ETNK2: variants seen among roughly 807,000 people sequenced by gnomAD.
ETNK2 encodes the protein ethanolamine kinase-like protein.
Under a neutral mutation model 46.2 loss-of-function variants are expected in ETNK2, and 33 were observed. The ratio of observed to expected loss-of-function variants is 0.71; its 90% CI spans 0.54 to 0.96. The LOEUF is 0.96. Among genes scored for constraint, ETNK2 ranks in the 40% least tolerant of loss-of-function variants. ETNK2 has a pLI of 0.00. For missense variants in ETNK2, 445 were observed against 509.7 expected (o/e 0.87, Z 1.22); for synonymous variants, 194 against 209.0 (o/e 0.93, Z 0.62).
rs1056215375 is a variant in ETNK2 at position 204,132,252 on chromosome 1, C to A, written c.1093G>T (p.Ala365Ser). 3.8e-6 allele frequency: 6 copies of A among 1,567,904 alleles called. No homozygotes were observed. The highest frequency in any genetic ancestry group is 2.4e-5 in the East Asian group (1 of 42,440). The change falls in exon 8 of 8, where the codon GCA becomes TCA. Residue 365 changes from alanine (A) to serine (S), a missense_variant. Coordinates refer to ENST00000367202, the MANE Select transcript of ETNK2 (RefSeq NM_018208.4). ...AAGTACTGGTTGAATCGGATCACTGCGTACCTGTGGGGAAGACAGAAGGAA... is the reference window on the plus strand; with the variant it reads ...AAGTACTGGTTGAATCGGATCACTGAGTACCTGTGGGGAAGACAGAAGGAA... ...STIDFDFLRY[A>S]VIRFNQYFKV...
chr1:204,137,062 ACTC>A, intron 6 of ETNK2, 39 bp downstream of exon 6: 2 of 1,606,624 alleles, frequency 1.2e-6, no homozygotes, highest in Non-Finnish European at 1.7e-6. Context: ...CCTCCTGCTA[ACTC>A]CTCCTTTCCT....
In ETNK2 at chr1:204,140,145, A is replaced by G. The variant is rs559980078; in HGVS notation, c.785-27T>C. The G allele has an allele frequency of 3.4e-5, 55 of 1,595,828 alleles. No homozygotes were observed. In the South Asian group the frequency reaches 6.0e-4, roughly 17 times the overall value. ...TATGAAGTAGAGGAGAATCGATGAGAGTTGGCCCAGGAGATCTGGCAACAG... is the reference window on the plus strand; with the variant it reads ...TATGAAGTAGAGGAGAATCGATGAGGGTTGGCCCAGGAGATCTGGCAACAG... On this transcript the variant is annotated intron_variant, in intron 4 of 7. Coordinates refer to ENST00000367202, the MANE Select transcript of ETNK2 (RefSeq NM_018208.4).
At chr1:204,136,027 G>A (rs1264183090) in intron 6 of ETNK2, among the ~76,000 whole-genome samples, 1 of 152,132 alleles carries the variant, frequency 6.6e-6, no homozygotes, top group East Asian at 1.9e-4. Flanking sequence ...TGAGTCAGTG[G>A]AGGTAGTTAC....
At chr1:204,150,382 T>TTTTTTAATGATA in intron 1 of ETNK2, 1 of 233,772 alleles carries the variant, frequency 4.3e-6, no homozygotes, top group Non-Finnish European at 8.5e-6. Context: ...CAGCTGCCAA[T>TTTTTTAATGATA]CACCTTGTGC....
At chr1:204,137,292 C>G in intron 5 of ETNK2, 43 bp from the exon 6 acceptor site, 1 of 1,601,814 alleles carries the variant, frequency 6.2e-7, no homozygotes, top group Non-Finnish European at 8.5e-7. Context: ...AGAGATGGGC[C>G]CACCAAGGGT....
chr1:204,141,714 C>T (rs1657550672), intron 3 of ETNK2: 2 of 484,954 alleles, frequency 4.1e-6, no homozygotes, highest in Non-Finnish European at 3.7e-6. Flanking sequence ...GCATAAAAGT[C>T]ACTGACTGAG....
chr1:204,141,702 G>A (rs1365752140), intron 3 of ETNK2: 1 of 511,786 alleles, frequency 2.0e-6, no homozygotes, highest in African/African-American at 1.9e-5. Flanking sequence ...GCATGAGGCA[G>A]AGCATAAAAG....
Position 204,137,205 on chromosome 1 carries a change from G to T in ETNK2, c.913C>A (p.Gln305Lys), listed in dbSNP as rs761081739. Residue 305 changes from glutamine to lysine, a missense_variant, in exon 6 of 8, where the codon CAG becomes AAG. Coordinates refer to ENST00000367202, the MANE Select transcript of ETNK2 (RefSeq NM_018208.4). ...DYCLYPARET[Q>K]LQWLHYYLQA... is the part of the protein sequence containing the mutation. ...AGGTAGTAGTGCAGCCACTGCAGCT[G>T]GGTCTCCCGCGCCGGGTACAGGCAG... is the stretch of plus-strand genomic sequence containing the variant. The T allele has an allele frequency of 6.2e-7, 1 of 1,613,924 alleles. No individual in the cohort carries two copies. Among genetic ancestry groups the T allele is most frequent in the South Asian group, 1.1e-5 (1 of 91,074 alleles).
intron 5 of ETNK2, among the ~76,000 whole-genome samples, chr1:204,139,307 G>A (rs1657407268): frequency 6.6e-6 from 1 of 152,186 alleles, no homozygotes; most frequent in Non-Finnish European, 1.5e-5. Context: ...AAAGGAGCTT[G>A]GACAAAGGAG....
chr1:204,141,275 C>T, intron 4 of ETNK2, 40 bp downstream of exon 4: 3 of 1,613,904 alleles, frequency 1.9e-6, no homozygotes, highest in Non-Finnish European at 2.5e-6. Context: ...AACCAACCAA[C>T]CAAAACCCTG....
intron 4 of ETNK2, 147 bp downstream of exon 4, chr1:204,141,167 TC>T (rs1657510867): frequency 2.0e-6 from 2 of 975,738 alleles, no homozygotes; most frequent in Middle Eastern, 2.1e-4. Context: ...TTATTTCCTT[TC>T]CCCCTTCCCT....
At chr1:204,136,667 A>G (rs1418010297) in intron 6 of ETNK2, among the ~76,000 whole-genome samples, 1 of 149,554 alleles carries the variant, frequency 6.7e-6, no homozygotes, top group Non-Finnish European at 1.5e-5. Context: ...GAGCCGAGAT[A>G]GCGCCATTGC....
chr1:204,136,117 C>T (rs1657270135), intron 6 of ETNK2, among the ~76,000 whole-genome samples: 1 of 152,134 alleles, frequency 6.6e-6, no homozygotes, highest in South Asian at 2.1e-4. Flanking sequence ...CACATATAGC[C>T]AGGCATGGTA....
chr1:204,148,682 A>C (rs4951310), intron 2 of ETNK2, among the ~76,000 whole-genome samples: 2 of 152,062 alleles, frequency 1.3e-5, no homozygotes, highest in Non-Finnish European at 2.9e-5. Context: ...AGAGCTCTCA[A>C]ATCCTCTTCT....
At position 204,149,716 on chromosome 1, in the gene ETNK2, G is replaced by T; in HGVS notation, c.505C>A (p.Pro169Thr). ...CACCCTCCTCACCTGAAAAGCCGGG[G>T]CTCACGGATGTGCTCAGGCTCCAGG... ...VALEPEHIREPRLFRLIALEM... is the reference protein window; with the variant it reads ...VALEPEHIRETRLFRLIALEM... The change falls in exon 2 of 8, where the codon CCC becomes ACC. Residue 169 changes from proline to threonine, a missense_variant. Physicochemically the swap from Pro to Thr is conservative, Grantham distance 38. Coordinates refer to ENST00000367202, the MANE Select transcript of ETNK2 (RefSeq NM_018208.4). The T allele has an allele frequency of 6.3e-7, 1 of 1,590,510 alleles. No homozygotes were observed. Among genetic ancestry groups the T allele is most frequent in the Non-Finnish European group, 8.6e-7 (1 of 1,168,942 alleles).
intron 2 of ETNK2, among the ~76,000 whole-genome samples, chr1:204,149,238 C>T (rs912568237): frequency 3.3e-5 from 5 of 152,204 alleles, no homozygotes; most frequent in Non-Finnish European, 7.4e-5. Flanking sequence ...GGAGTTCAGA[C>T]TGGCAGAAGA....
intron 6 of ETNK2, among the ~76,000 whole-genome samples, chr1:204,135,194 G>A (rs183078305): frequency 1.3e-5 from 2 of 152,264 alleles, no homozygotes; most frequent in East Asian, 3.9e-4. Context: ...CCAAGTCTAG[G>A]CATTTGCTAA....
chr1:204,141,684 G>C lies in ETNK2; in HGVS notation c.642-227C>G, dbSNP rs1464312074. On this transcript the variant is annotated intron_variant, in intron 3 of 7. Transcript: ENST00000367202. ...TGCTAGGAAGCTGATAAAGACATGG[G>C]CGTCAAAGCATGAGGCAGAGCATAA... 6 of 553,450 alleles carry C rather than the reference G, an allele frequency of 1.1e-5. No individual in the cohort carries two copies. In the African/African-American group the frequency reaches 1.1e-4, roughly 10 times the overall value. The allele number at this position is 553,450 out of a possible 1,614,324, so 34.3% of individuals were successfully genotyped here.
chr1:204,131,201 G>C lies in ETNK2; in HGVS notation c.*983C>G, dbSNP rs539644532. The C allele has an allele frequency of 6.5e-6, 1 of 152,698 alleles. No individual in the cohort carries two copies. The highest frequency in any genetic ancestry group is 6.5e-5 in the Admixed American group (1 of 15,310). 9.5% of individuals were successfully genotyped at this position (152,698 alleles called of 1,614,324 possible). On this transcript the variant is annotated 3_prime_UTR_variant, in exon 8 of 8. Coordinates refer to ENST00000367202, the MANE Select transcript of ETNK2 (RefSeq NM_018208.4). This position sits in a 1 kb window ranked among gnomAD's most constrained non-coding sequence, Gnocchi z 4.3. ...AGGCTGTTGAGTGTCCGGGCAACCA[G>C]TTTAGTCAGCACCTTTCTGATGGGA...
Sources: allele counts gnomAD v4.1 joint callset (sites outside exome capture counted in the v4.1 genomes callset), GRCh38; gene constraint gnomAD v4.1.1; non-coding constraint Gnocchi (gnomAD v3.1); transcripts MANE v1.5; gene names NCBI Gene and HGNC (gene_info 2026-07-23, HGNC 2026-07-21).